The following ADARB2 variants were observed in gnomAD, a reference collection of about 807,000 sequenced individuals.
ADARB2 encodes inactive double-stranded RNA-specific editase B2.
A neutral mutation model predicts 62.2 loss-of-function variants in ADARB2; 25 were observed. The ratio of observed to expected loss-of-function variants is 0.40; its 90% CI spans 0.29 to 0.56. The LOEUF is 0.56. Among genes scored for constraint, ADARB2 ranks in the 20% least tolerant of loss-of-function variants. ADARB2 has a pLI of 0.43. For synonymous variants in ADARB2, 572 were observed against 500.8 expected (o/e 1.14, Z -1.90); for missense variants, 1,071 against 1,077.4 (o/e 0.99, Z 0.08).
rs1042565880 is a variant in ADARB2, at chr10:1,289,611, C to G, written c.1078-18542G>C. On this transcript the variant is annotated intron_variant, in intron 3 of 9. Coordinates refer to ENST00000381312, the MANE Select transcript of ADARB2 (RefSeq NM_018702.4). ...CCACTTTCTGAGGTGGAAAACCAGG[C>G]CTGGGCCTCCCACTGCCCACCTCCT... Among the ~76,000 whole-genome samples, 5 of 152,358 alleles carry G rather than the reference C, an allele frequency of 3.3e-5. 1 individual carries two copies. The highest frequency in any genetic ancestry group is 7.3e-5 in the Non-Finnish European group (5 of 68,034).
intron 1 of ADARB2, among the ~76,000 whole-genome samples, chr10:1,684,678 A>T (rs1372148751): frequency 6.6e-6 from 1 of 152,230 alleles, no homozygotes; most frequent in Non-Finnish European, 1.5e-5. Context: ...TGTAAACCCC[A>T]AACTGTTGTT....
At chr10:1,686,437 A>G (rs994060182) in intron 1 of ADARB2, among the ~76,000 whole-genome samples, 17 of 152,374 alleles carry the variant, frequency 1.1e-4, no homozygotes, top group African/African-American at 3.6e-4. Flanking sequence ...TCTTGCAATC[A>G]GGAAACTGAT....
intron 1 of ADARB2, among the ~76,000 whole-genome samples, chr10:1,480,655 G>A (rs1051170637): frequency 7.2e-6 from 1 of 139,202 alleles, no homozygotes; most frequent in African/African-American, 2.6e-5. Flanking sequence ...CTGAGATTGT[G>A]CCCCTGCACT....
At chr10:1,565,227 T>C (rs1832845107) in intron 1 of ADARB2, among the ~76,000 whole-genome samples, 1 of 152,246 alleles carries the variant, frequency 6.6e-6, no homozygotes, top group African/African-American at 2.4e-5. Flanking sequence ...TTTGGATATA[T>C]TTATGTGCAT....
chr10:1,314,099 C>T (rs1303408532), intron 3 of ADARB2, among the ~76,000 whole-genome samples: 1 of 152,228 alleles, frequency 6.6e-6, no homozygotes, highest in Non-Finnish European at 1.5e-5. Flanking sequence ...CGGCCCTGGC[C>T]TTAGGACCTA....
chr10:1,673,651 G>A (rs1171671800), intron 1 of ADARB2, among the ~76,000 whole-genome samples: 1 of 152,212 alleles, frequency 6.6e-6, no homozygotes, highest in African/African-American at 2.4e-5. Context: ...AGCACTACGG[G>A]AACGTCGGAT....
intron 1 of ADARB2, among the ~76,000 whole-genome samples, chr10:1,607,122 T>C (rs764612361): frequency 6.6e-6 from 1 of 152,248 alleles, no homozygotes; most frequent in Non-Finnish European, 1.5e-5. Context: ...TGTAATCCAT[T>C]TCAGTTAGGC....
rs1382390889 is a variant in ADARB2, at chr10:1,568,996, G to A, written c.100+168055C>T. On this transcript the variant is annotated intron_variant, in intron 1 of 9. Coordinates refer to ENST00000381312, the MANE Select transcript of ADARB2 (RefSeq NM_018702.4). ...ATGCGCCCATTAGAAGGCGAGGCGA[G>A]ATGGTGAGAGAGAGACACAGAGAGA... Among the ~76,000 whole-genome samples, 5 of 152,250 alleles carry A rather than the reference G, an allele frequency of 3.3e-5. No individual in the cohort carries two copies. In the East Asian group the frequency reaches 9.6e-4, roughly 29 times the overall value.
chr10:1,258,576 G>A (rs1831102469), intron 4 of ADARB2, among the ~76,000 whole-genome samples: 1 of 152,134 alleles, frequency 6.6e-6, no homozygotes, highest in South Asian at 2.1e-4. Flanking sequence ...ATGGTAAAGG[G>A]ATCAATTCAA....
At chr10:1,561,662 C>A (rs1394284255) in intron 1 of ADARB2, among the ~76,000 whole-genome samples, 3 of 152,156 alleles carry the variant, frequency 2.0e-5, no homozygotes, top group Admixed American at 2.0e-4. Context: ...AGCTGCTGGG[C>A]CTGATCCTGG....
At chr10:1,574,795 C>G (rs955601782) in intron 1 of ADARB2, among the ~76,000 whole-genome samples, 3 of 152,174 alleles carry the variant, frequency 2.0e-5, no homozygotes, top group Admixed American at 6.5e-5. Flanking sequence ...CAGACTTCAA[C>G]CTGTGAATTC....
intron 1 of ADARB2, among the ~76,000 whole-genome samples, chr10:1,481,674 T>C (rs572894288): frequency 2.0e-5 from 3 of 151,970 alleles, no homozygotes; most frequent in Non-Finnish European, 4.4e-5. Flanking sequence ...CTGGCCAACA[T>C]GGTGAAACCC....
chr10:1,272,919 G>A (rs960406065), intron 3 of ADARB2, among the ~76,000 whole-genome samples: 1 of 152,246 alleles, frequency 6.6e-6, no homozygotes, highest in Non-Finnish European at 1.5e-5. Flanking sequence ...GCTGCCTCCT[G>A]AGGCTCTGGG....
chr10:1,452,016 A>T (rs1269957992), intron 1 of ADARB2, among the ~76,000 whole-genome samples: 3 of 152,200 alleles, frequency 2.0e-5, no homozygotes, highest in Non-Finnish European at 4.4e-5. Context: ...GTACCTAGGA[A>T]TCACGGATGT....
intron 1 of ADARB2, among the ~76,000 whole-genome samples, chr10:1,691,284 C>A (rs988256765): frequency 1.3e-5 from 2 of 152,166 alleles, no homozygotes; most frequent in African/African-American, 4.8e-5. Flanking sequence ...GAGAAACCAA[C>A]CCTGATGACA....
chr10:1,349,984 AC>A (rs1832120073), intron 3 of ADARB2, among the ~76,000 whole-genome samples: 1 of 151,790 alleles, frequency 6.6e-6, no homozygotes, highest in Admixed American at 6.6e-5. Flanking sequence ...ACTATGGGCA[AC>A]TTTCCACCCT....
At chr10:1,244,673 G>A (rs759093963) in intron 4 of ADARB2, among the ~76,000 whole-genome samples, 2 of 152,166 alleles carry the variant, frequency 1.3e-5, no homozygotes. Context: ...GGTCAGAAAC[G>A]GCTGCAGCAT....
At chr10:1,481,540 A>C (rs1831470305) in intron 1 of ADARB2, among the ~76,000 whole-genome samples, 2 of 152,228 alleles carry the variant, frequency 1.3e-5, no homozygotes, top group African/African-American at 4.8e-5. Context: ...AAATATTTGC[A>C]AATCATATAT....
At chr10:1,726,638 A>C (rs2119040576) in intron 1 of ADARB2, among the ~76,000 whole-genome samples, 1 of 152,294 alleles carries the variant, frequency 6.6e-6, no homozygotes, top group African/African-American at 2.4e-5. Context: ...CGGTTTCCCC[A>C]GCTGCCTGGA....
Sources: allele counts gnomAD v4.1 joint callset (sites outside exome capture counted in the v4.1 genomes callset), GRCh38; gene constraint gnomAD v4.1.1; transcripts MANE v1.5; gene names NCBI Gene and HGNC (gene_info 2026-07-23, HGNC 2026-07-21).